DIS3L2: variants seen among roughly 807,000 people sequenced by gnomAD.
DIS3L2 encodes DIS3 like 3'-5' exoribonuclease 2.
In DIS3L2, 34 loss-of-function variants were observed where a neutral mutation model predicts 97.5. The ratio of observed to expected loss-of-function variants is 0.35; its 90% CI spans 0.27 to 0.46. The LOEUF (loss-of-function observed/expected upper bound fraction) is 0.46, where lower values mean the gene tolerates loss of function less well. Ranked by LOEUF, DIS3L2 falls within the 20% of genes least tolerant of loss-of-function variation. DIS3L2 has a pLI of 1.00. For synonymous variants in DIS3L2, 435 were observed against 445.2 expected (o/e 0.98, Z 0.29); for missense variants, 1,038 against 1,146.0 (o/e 0.91, Z 1.36).
chr2:232,219,077 C>A (rs771453204), intron 10 of DIS3L2, among the ~76,000 whole-genome samples: 4 of 152,196 alleles, frequency 2.6e-5, no homozygotes, highest in Non-Finnish European at 5.9e-5. Context: ...GGTCTTGCCT[C>A]CCTGCCTCCT....
intron 14 of DIS3L2, among the ~76,000 whole-genome samples, chr2:232,310,097 A>C (rs1193542138): frequency 1.3e-5 from 2 of 152,254 alleles, no homozygotes; most frequent in African/African-American, 4.8e-5. Context: ...CCTCAGGCTA[A>C]GCAGCAGTGT....
chr2:232,156,981 G>C (rs1690512135), intron 8 of DIS3L2, among the ~76,000 whole-genome samples: 1 of 152,082 alleles, frequency 6.6e-6, no homozygotes, highest in Non-Finnish European at 1.5e-5. Context: ...TGGTCATATT[G>C]GCAATTTTCT....
chr2:232,147,328 TA>T (rs1271624522), intron 8 of DIS3L2, among the ~76,000 whole-genome samples: 1 of 152,182 alleles, frequency 6.6e-6, no homozygotes, highest in Non-Finnish European at 1.5e-5. Flanking sequence ...ATTGTCAAGA[TA>T]GTACAGTTCT....
chr2:232,062,374 C>A (rs1397384805), intron 5 of DIS3L2, among the ~76,000 whole-genome samples: 1 of 152,048 alleles, frequency 6.6e-6, no homozygotes, highest in Non-Finnish European at 1.5e-5. Context: ...ATTCACAGTT[C>A]CTGGAAAGTG....
intron 5 of DIS3L2, among the ~76,000 whole-genome samples, chr2:232,064,077 G>T (rs1695786831): frequency 6.6e-6 from 1 of 151,900 alleles, no homozygotes; most frequent in Non-Finnish European, 1.5e-5. Context: ...TTTTGCTCAG[G>T]TTTATTGAAG....
At chr2:232,240,518 T>C (rs1180674410) in intron 11 of DIS3L2, among the ~76,000 whole-genome samples, 2 of 152,236 alleles carry the variant, frequency 1.3e-5, no homozygotes, top group African/African-American at 4.8e-5. Context: ...GCACCTTCAG[T>C]GACCAATTAG....
At chr2:232,255,959 C>T (rs1345971379) in intron 12 of DIS3L2, among the ~76,000 whole-genome samples, 1 of 152,188 alleles carries the variant, frequency 6.6e-6, no homozygotes, top group African/African-American at 2.4e-5. Context: ...ACTACCGGCA[C>T]TAATACCTGC....
intron 1 of DIS3L2, among the ~76,000 whole-genome samples, chr2:231,968,682 A>G (rs754260353): frequency 1.3e-5 from 2 of 152,236 alleles, no homozygotes; most frequent in African/African-American, 4.8e-5. Flanking sequence ...TTTGTTTACA[A>G]GGCTTTGTAT....
chr2:232,205,352 C>G (rs1692001998), intron 9 of DIS3L2, among the ~76,000 whole-genome samples: 1 of 151,780 alleles, frequency 6.6e-6, no homozygotes, highest in South Asian at 2.1e-4. Flanking sequence ...GCCTCCCAGA[C>G]TCAAGCGATT....
chr2:232,272,679 C>G (rs932091365), intron 13 of DIS3L2, among the ~76,000 whole-genome samples: 1 of 152,094 alleles, frequency 6.6e-6, no homozygotes, highest in African/African-American at 2.4e-5. Flanking sequence ...AACAGAACAG[C>G]CCAGAAGTAG....
At chr2:232,302,305 G>A (rs1694877661) in intron 14 of DIS3L2, among the ~76,000 whole-genome samples, 1 of 151,788 alleles carries the variant, frequency 6.6e-6, no homozygotes, top group Admixed American at 6.6e-5. Flanking sequence ...GTTAATGGGT[G>A]CAGCACATCA....
chr2:232,176,768 T>A (rs1691171267), intron 9 of DIS3L2, among the ~76,000 whole-genome samples: 1 of 149,908 alleles, frequency 6.7e-6, no homozygotes, highest in Non-Finnish European at 1.5e-5. Flanking sequence ...TTTTTTAATT[T>A]TTTAATTAAT....
At position 232,001,557 on chromosome 2, in the gene DIS3L2, CT is replaced by C. The variant is rs57766848; in HGVS notation, c.-93-13255del. ...CTTAGCTTAGTGGAATGCCATTTGT[CT>C]TTTTTTTTTTTTTTTTTTTTTTGCT... On this transcript the variant is annotated intron_variant, in intron 1 of 20. Transcript: ENST00000325385. Among the ~76,000 whole-genome samples the C allele has an allele frequency of 5.8e-3, 361 of 61,880 alleles. 1 individual carries two copies. Among genetic ancestry groups the C allele is most frequent in the Non-Finnish European group, 6.8e-3 (238 of 35,194 alleles). 40.6% of individuals were successfully genotyped at this position (61,880 alleles called of 152,430 possible). A position where few individuals can be genotyped will look rare whatever the true frequency, so the allele number is the denominator to read the frequency against.
downstream of DIS3L2, chr2:232,340,999 CGAGAG>C: frequency 2.2e-6 from 1 of 462,680 alleles, no homozygotes. Context: ...CATCGTGAAA[CGAGAG>C]GAGGTTGCTC....
chr2:232,238,228 C>G (rs1692986151), intron 10 of DIS3L2, among the ~76,000 whole-genome samples: 1 of 152,122 alleles, frequency 6.6e-6, no homozygotes, highest in African/African-American at 2.4e-5. Context: ...CCAGAATGAG[C>G]CATATCTTCT....
intron 10 of DIS3L2, among the ~76,000 whole-genome samples, chr2:232,222,526 G>A (rs1027173893): frequency 6.6e-6 from 1 of 151,968 alleles, no homozygotes; most frequent in Non-Finnish European, 1.5e-5. Context: ...GCTGGAGTGC[G>A]ATGGCGCAGT....
At chr2:231,989,512 G>A (rs989818542) in intron 1 of DIS3L2, among the ~76,000 whole-genome samples, 1 of 152,062 alleles carries the variant, frequency 6.6e-6, no homozygotes, top group Non-Finnish European at 1.5e-5. Context: ...AAAATAAAGA[G>A]TAAAAGAGTC....
At chr2:232,238,712 G>A (rs1693001162) in intron 11 of DIS3L2, 67 bp downstream of exon 11, 2 of 1,362,622 alleles carry the variant, frequency 1.5e-6, no homozygotes, top group Non-Finnish European at 2.0e-6. Context: ...GGAAGAGTGT[G>A]TGCTCTCTGT....
chr2:232,312,040 G>A (rs1695148899), intron 14 of DIS3L2, among the ~76,000 whole-genome samples: 1 of 152,076 alleles, frequency 6.6e-6, no homozygotes. Flanking sequence ...TTTTTCTACT[G>A]GGTTTTCTGT....
Sources: allele counts gnomAD v4.1 joint callset (sites outside exome capture counted in the v4.1 genomes callset), GRCh38; gene constraint gnomAD v4.1.1; transcripts MANE v1.5; gene names NCBI Gene and HGNC (gene_info 2026-07-23, HGNC 2026-07-21).